PCDHA2: variants seen among roughly 807,000 people sequenced by gnomAD.
PCDHA2 encodes protocadherin alpha 2, also known as protocadherin alpha-2.
Under a neutral mutation model 66.0 loss-of-function variants are expected in PCDHA2, and 58 were observed. The ratio of observed to expected loss-of-function variants is 0.88; its 90% CI spans 0.71 to 1.09. The LOEUF (loss-of-function observed/expected upper bound fraction) is 1.09, where lower values mean the gene tolerates loss of function less well. Ranked by LOEUF, PCDHA2 falls within the 50% of genes least tolerant of loss-of-function variation. PCDHA2 has a pLI of 0.00. For synonymous variants in PCDHA2, 634 were observed against 554.0 expected (o/e 1.14, Z -2.03); for missense variants, 1,267 against 1,242.3 (o/e 1.02, Z -0.30).
intron 1 of PCDHA2, among the ~76,000 whole-genome samples, chr5:140,936,010 A>G (rs1470244912): frequency 6.6e-6 from 1 of 150,776 alleles, no homozygotes; most frequent in Non-Finnish European, 1.5e-5. Context: ...CTCCCACCTC[A>G]GCCTCCCGAG....
At chr5:140,915,626 G>GTC (rs57920489) in intron 1 of PCDHA2, among the ~76,000 whole-genome samples, 4,335 of 146,228 alleles carry the variant, frequency 0.03, 91 homozygotes, top group African/African-American at 0.067. Flanking sequence ...GTCTCTTTCT[G>GTC]TCTCTCTCTC....
chr5:140,984,754 A>G (rs2097118359), intron 3 of PCDHA2, among the ~76,000 whole-genome samples: 1 of 152,158 alleles, frequency 6.6e-6, no homozygotes, highest in Admixed American at 6.5e-5. Context: ...ATTTGAGTTG[A>G]ATTCTAATCC....
chr5:140,898,228 C>T (rs1302111875), intron 1 of PCDHA2, among the ~76,000 whole-genome samples: 1 of 152,118 alleles, frequency 6.6e-6, no homozygotes, highest in Non-Finnish European at 1.5e-5. Flanking sequence ...CTTTTGTTGC[C>T]ATTGCTTTTG....
chr5:140,854,159 C>CAAAA (rs59855104), intron 1 of PCDHA2: 33,814 of 339,152 alleles, frequency 0.1, 739 homozygotes, highest in Middle Eastern at 0.12. Flanking sequence ...GATTCTGTCT[C>CAAAA]AAAAAAAAAA....
intron 1 of PCDHA2, chr5:140,830,043 T>C: frequency 6.2e-7 from 1 of 1,613,664 alleles, no homozygotes; most frequent in South Asian, 1.1e-5. Flanking sequence ...CTGGTGCTGG[T>C]GAAAGACCAC....
chr5:140,883,980 G>A, intron 1 of PCDHA2: 1 of 1,612,872 alleles, frequency 6.2e-7, no homozygotes, highest in Non-Finnish European at 8.5e-7. Context: ...CCCGGGGCTG[G>A]CAGCGCGGGA....
At chr5:140,904,206 C>T (rs2070944708) in intron 1 of PCDHA2, among the ~76,000 whole-genome samples, 1 of 151,882 alleles carries the variant, frequency 6.6e-6, no homozygotes, top group South Asian at 2.1e-4. Flanking sequence ...CCCCTAAGTC[C>T]CCAAAGTCCA....
Position 140,797,283 on chromosome 5 carries a change from C to T in PCDHA2, c.2319C>T (p.Ser773=), listed in dbSNP as rs1554120379. The T allele has an allele frequency of 1.2e-6, 2 of 1,614,220 alleles. No homozygotes were observed. Among genetic ancestry groups the T allele is most frequent in the South Asian group, 2.2e-5 (2 of 91,084 alleles). The change falls in exon 1 of 4, where the codon AGC becomes AGT. Residue 773 remains serine, a synonymous_variant. Transcript: ENST00000526136. The part of the protein sequence containing the change: ...DPPKTDLMAF[S]PSLSQGPDSA... ...CCAAGACGGACCTCATGGCCTTCAGCCCTAGCTTATCTCAAGGTCCAGACT... is the reference window on the plus strand; with the variant it reads ...CCAAGACGGACCTCATGGCCTTCAGTCCTAGCTTATCTCAAGGTCCAGACT...
Position 140,869,807 on chromosome 5 carries a change from T to C in PCDHA2, c.2388+72455T>C, listed in dbSNP as rs545569437. ...CGGCTGTTAGTCCAAGTCTTGGATGTCAACGACAATGATCCAGAGTTTGAT... is the reference window on the plus strand; with the variant it reads ...CGGCTGTTAGTCCAAGTCTTGGATGCCAACGACAATGATCCAGAGTTTGAT... On this transcript the variant is annotated intron_variant, in intron 1 of 3. Transcript: ENST00000526136. 8.1e-6 allele frequency: 13 copies of C among 1,612,544 alleles called. No individual in the cohort carries two copies. In the African/African-American group the frequency reaches 1.6e-4, roughly 20 times the overall value.
rs1554120058 is a variant in PCDHA2, at chr5:140,796,701, G to T, written c.1737G>T (p.Glu579Asp). The stretch of plus-strand genomic sequence containing the variant: ...GCACCGCTGCTGGCGCAGTGAGTGA[G>T]CTGGTGCCGTGGTCGGTGGGTGCAG... ...RAGTAAGAVS[E>D]LVPWSVGAGH... Residue 579 changes from glutamate (E) to aspartate (D), a missense_variant, in exon 1 of 4, where the codon GAG (glutamate) becomes GAT (aspartate). Physicochemically the swap from Glu to Asp is conservative, Grantham distance 45. Transcript: ENST00000526136. The T allele has an allele frequency of 6.2e-7, 1 of 1,614,004 alleles. No homozygotes were observed. Among genetic ancestry groups the T allele is most frequent in the African/African-American group, 1.3e-5 (1 of 75,072 alleles).
chr5:140,897,361 G>A (rs1455815825), intron 1 of PCDHA2, among the ~76,000 whole-genome samples: 1 of 123,218 alleles, frequency 8.1e-6, no homozygotes, highest in Non-Finnish European at 1.6e-5. Context: ...TGTCCCCAGA[G>A]TGTGATGTTC....
chr5:140,927,536 G>A (rs1227240979), intron 1 of PCDHA2: 3 of 1,614,138 alleles, frequency 1.9e-6, no homozygotes, highest in Non-Finnish European at 2.5e-6. Context: ...GCCCGCTCAG[G>A]AGACGCACAA....
chr5:140,864,161 T>A (rs1267371347), intron 1 of PCDHA2: 3 of 152,188 alleles, frequency 2.0e-5, no homozygotes, highest in African/African-American at 7.2e-5. Context: ...AGTTAAATCT[T>A]ACCGGAAGGA....
intron 3 of PCDHA2, among the ~76,000 whole-genome samples, chr5:141,004,307 A>G (rs924420604): frequency 6.6e-6 from 1 of 152,224 alleles, no homozygotes; most frequent in Admixed American, 6.5e-5. Context: ...TTTGTTTTAT[A>G]CAACAACCAG....
rs2150372271 is a variant in PCDHA2, at chr5:140,844,591, T to C, written c.2388+47239T>C. ...TAATATTCCACATTAAAGTGATATT[T>C]AATATATGACTTAGAAAAATGTTTT... On this transcript the variant is annotated intron_variant, in intron 1 of 3. Transcript: ENST00000526136. Among the ~76,000 whole-genome samples the C allele has an allele frequency of 8.0e-5, 12 of 149,484 alleles. 2 individuals carry two copies. Among genetic ancestry groups the C allele is most frequent in the Non-Finnish European group, 1.6e-4 (11 of 66,840 alleles).
At chr5:140,870,465 C>A in intron 1 of PCDHA2, 1 of 1,614,208 alleles carries the variant, frequency 6.2e-7, no homozygotes, top group Non-Finnish European at 8.5e-7. Flanking sequence ...CGCCTGCGTT[C>A]GCACAGCCCG....
At chr5:140,840,678 T>G (rs1381034670) in intron 1 of PCDHA2, among the ~76,000 whole-genome samples, 1 of 152,018 alleles carries the variant, frequency 6.6e-6, no homozygotes, top group Non-Finnish European at 1.5e-5. Context: ...TTTTATTACT[T>G]TAGTAAATAA....
intron 1 of PCDHA2, chr5:140,800,887 C>G: frequency 5.9e-6 from 2 of 341,678 alleles, no homozygotes; most frequent in Non-Finnish European, 9.8e-6. Flanking sequence ...AATATAAGGA[C>G]TTTGAGGAGT....
intron 1 of PCDHA2, among the ~76,000 whole-genome samples, chr5:140,888,156 A>G (rs556908449): frequency 6.6e-6 from 1 of 152,182 alleles, no homozygotes; most frequent in African/African-American, 2.4e-5. Flanking sequence ...CATGACTGGT[A>G]ATCTCTAATA....
Sources: allele counts gnomAD v4.1 joint callset (sites outside exome capture counted in the v4.1 genomes callset), GRCh38; gene constraint gnomAD v4.1.1; transcripts MANE v1.5; gene names NCBI Gene and HGNC (gene_info 2026-07-23, HGNC 2026-07-21).